RNLS: variants seen among roughly 807,000 people sequenced by gnomAD.
The protein encoded by RNLS is renalase.
RNLS carries 39 observed loss-of-function variants against 39.8 expected under a neutral mutation model. The ratio of observed to expected loss-of-function variants is 0.98; its 90% CI spans 0.76 to 1.28. RNLS has a LOEUF of 1.28. RNLS is among the 50% of genes most tolerant of loss of function. The pLI, the probability that RNLS is intolerant of heterozygous loss-of-function variation, is 0.00. For synonymous variants in RNLS, 147 were observed against 150.7 expected, an observed-to-expected ratio of 0.98 and a Z score of 0.18; for missense variants, 410 against 413.3, an observed-to-expected ratio of 0.99 and a Z score of 0.07.
chr10:88,174,613 C>T, the RNLS span, among the ~76,000 whole-genome samples: 4 of 152,130 alleles, frequency 2.6e-5, no homozygotes, highest in South Asian at 4.1e-4. Context: ...AAATCTCACC[C>T]GATTATGGTG....
the RNLS span, among the ~76,000 whole-genome samples, chr10:88,200,694 AGAACTGAGAAG>A: frequency 6.6e-6 from 1 of 152,220 alleles, no homozygotes; most frequent in Non-Finnish European, 1.5e-5. Context: ...AATACTCTCA[AGAACTGAGAAG>A]GAACTAAAGG....
intron 4 of RNLS, among the ~76,000 whole-genome samples, chr10:88,515,621 C>A (rs570003512): frequency 6.6e-6 from 1 of 152,078 alleles, no homozygotes; most frequent in South Asian, 2.1e-4. Context: ...TAATTAGCTA[C>A]TTCCCTGCTT....
At chr10:88,364,036 G>T (rs910112122) in intron 4 of RNLS, among the ~76,000 whole-genome samples, 5 of 152,070 alleles carry the variant, frequency 3.3e-5, no homozygotes, top group Non-Finnish European at 7.4e-5. Context: ...CTTGAGGTGG[G>T]GAAAGAAGAC....
chr10:88,479,836 A>G (rs1466827428), intron 4 of RNLS, among the ~76,000 whole-genome samples: 1 of 149,030 alleles, frequency 6.7e-6, no homozygotes, highest in Non-Finnish European at 1.5e-5. Flanking sequence ...AAGGTATAGT[A>G]GAAAAAAATC....
chr10:88,210,701 G>T, the RNLS span, among the ~76,000 whole-genome samples: 3 of 152,162 alleles, frequency 2.0e-5, no homozygotes, highest in Non-Finnish European at 2.9e-5. Context: ...TTGCATGTTT[G>T]TTGCTACTCG....
intron 5 of RNLS, among the ~76,000 whole-genome samples, chr10:88,356,052 G>T (rs1849155685): frequency 6.6e-6 from 1 of 152,200 alleles, no homozygotes; most frequent in Non-Finnish European, 1.5e-5. Context: ...TGTGCCGTTT[G>T]CTAAGACCAT....
At chr10:88,203,296 G>GTA in the RNLS span, among the ~76,000 whole-genome samples, 15 of 2,744 alleles carry the variant, frequency 5.5e-3, 3 homozygotes, top group East Asian at 0.015. Context: ...ATATACGTAT[G>GTA]TATATATATA....
intron 4 of RNLS, among the ~76,000 whole-genome samples, chr10:88,469,915 T>C (rs889570634): frequency 9.1e-5 from 12 of 132,104 alleles, no homozygotes; most frequent in African/African-American, 2.7e-4. Context: ...AATACATACA[T>C]ACATATATAT....
At chr10:88,217,909 A>G in the RNLS span, among the ~76,000 whole-genome samples, 1 of 152,042 alleles carries the variant, frequency 6.6e-6, no homozygotes, top group Non-Finnish European at 1.5e-5. Context: ...TCATGGTGGC[A>G]GGCACCTGTA....
At chr10:88,529,805 T>G (rs1380105467) in intron 4 of RNLS, among the ~76,000 whole-genome samples, 2 of 152,206 alleles carry the variant, frequency 1.3e-5, no homozygotes, top group Non-Finnish European at 2.9e-5. Context: ...ACATTGTTAT[T>G]TTTGTTCATA....
At chr10:88,306,139 C>A (rs901600163) in intron 6 of RNLS, among the ~76,000 whole-genome samples, 1 of 151,918 alleles carries the variant, frequency 6.6e-6, no homozygotes. Context: ...ATGAGAACAA[C>A]GATACAACAT....
At chr10:88,385,239 AT>A (rs1851787944) in intron 4 of RNLS, among the ~76,000 whole-genome samples, 1 of 152,264 alleles carries the variant, frequency 6.6e-6, no homozygotes, top group African/African-American at 2.4e-5. Flanking sequence ...CAATTTGTTA[AT>A]TGGGTGTTGG....
At chr10:88,435,263 C>A (rs942834855) in intron 4 of RNLS, among the ~76,000 whole-genome samples, 1 of 151,866 alleles carries the variant, frequency 6.6e-6, no homozygotes, top group African/African-American at 2.4e-5. Context: ...AAATGCAAGG[C>A]ACCTCCAAAC....
At chr10:88,279,312 T>G (rs1842925905), downstream of RNLS, among the ~76,000 whole-genome samples, 1 of 152,212 alleles carries the variant, frequency 6.6e-6, no homozygotes, top group Non-Finnish European at 1.5e-5. Flanking sequence ...CTAAATCATA[T>G]TTTACTATTA....
chr10:88,432,650 A>G (rs563232417), intron 4 of RNLS, among the ~76,000 whole-genome samples: 1 of 151,658 alleles, frequency 6.6e-6, no homozygotes, highest in African/African-American at 2.4e-5. Flanking sequence ...TTGTTATTTT[A>G]GTGAATGTAA....
chr10:88,345,061 C>G (rs1252770003), intron 5 of RNLS, among the ~76,000 whole-genome samples: 3 of 152,124 alleles, frequency 2.0e-5, no homozygotes, highest in African/African-American at 4.8e-5. Context: ...AAAGCCTTCT[C>G]AGCTCACTTA....
chr10:88,431,789 C>T (rs541012473), intron 4 of RNLS, among the ~76,000 whole-genome samples: 1 of 151,760 alleles, frequency 6.6e-6, no homozygotes, highest in Non-Finnish European at 1.5e-5. Flanking sequence ...AGAAATGTGT[C>T]ATTGATTTTA....
chr10:88,325,487 G>C (rs767672826), intron 5 of RNLS, among the ~76,000 whole-genome samples: 1 of 152,278 alleles, frequency 6.6e-6, no homozygotes, highest in East Asian at 1.9e-4. Flanking sequence ...CTAAGATTTA[G>C]AAGGCTCAAG....
the RNLS span, among the ~76,000 whole-genome samples, chr10:88,231,537 G>A: frequency 6.6e-6 from 1 of 152,158 alleles, no homozygotes; most frequent in Admixed American, 6.5e-5. Context: ...TGGGTTGCTG[G>A]AGGATTTAGT....
Sources: gnomAD v4.1 joint callset for allele counts (sites outside exome capture counted in the v4.1 genomes callset) on GRCh38, gnomAD v4.1.1 for gene constraint, MANE v1.5 for transcripts, NCBI Gene and HGNC (gene_info 2026-07-23, HGNC 2026-07-21) for gene names.